Variants in CPXM2 observed in about 807,000 individuals in gnomAD.
CPXM2 encodes the protein carboxypeptidase X, M14 family member 2.
A neutral mutation model predicts 86.1 loss-of-function variants in CPXM2; 66 were observed. The observed-to-expected ratio is 0.77, with a 90% CI of 0.63 to 0.94. The LOEUF is 0.94. Among genes scored for constraint, CPXM2 ranks in the 40% least tolerant of loss-of-function variants. The pLI, the probability that CPXM2 is intolerant of heterozygous loss-of-function variation, is 0.00. For synonymous variants in CPXM2, 388 were observed against 400.2 expected (o/e 0.97, Z 0.36); for missense variants, 948 against 1,026.3 (o/e 0.92, Z 1.04).
chr10:123,765,604 G>C (rs888635862), intron 10 of CPXM2, among the ~76,000 whole-genome samples: 1 of 152,184 alleles, frequency 6.6e-6, no homozygotes, highest in African/African-American at 2.4e-5. Context: ...ACTAAAACAG[G>C]TTCTGTGGGA....
At chr10:123,855,462 T>G (rs1564799602) in intron 3 of CPXM2, among the ~76,000 whole-genome samples, 1 of 152,016 alleles carries the variant, frequency 6.6e-6, no homozygotes. Context: ...CAGGTGTGGG[T>G]CGGGCACAGG....
chr10:123,850,075 A>G (rs772453043), intron 3 of CPXM2, among the ~76,000 whole-genome samples: 1 of 152,344 alleles, frequency 6.6e-6, no homozygotes. Context: ...TATTTATTAT[A>G]TCTGGGAGAT....
chr10:123,813,759 G>T (rs560654864), intron 4 of CPXM2, among the ~76,000 whole-genome samples: 1 of 152,352 alleles, frequency 6.6e-6, no homozygotes, highest in African/African-American at 2.4e-5. Flanking sequence ...ACTTTTGGAA[G>T]ATGTGCCATA....
At chr10:123,896,972 C>G (rs1945342842), upstream of CPXM2, among the ~76,000 whole-genome samples, 1 of 152,156 alleles carries the variant, frequency 6.6e-6, no homozygotes, top group African/African-American at 2.4e-5. Context: ...CCCTTGTCCT[C>G]TGGTTTCTGA....
intron 4 of CPXM2, among the ~76,000 whole-genome samples, chr10:123,817,672 C>T (rs886410940): frequency 6.6e-5 from 10 of 152,148 alleles, no homozygotes; most frequent in Non-Finnish European, 4.4e-5. Flanking sequence ...CTCAAATGCC[C>T]GTGGTCTCCA....
intron 3 of CPXM2, 150 bp from the exon 4 acceptor site, chr10:123,842,638 CCT>C: frequency 1.4e-6 from 1 of 724,256 alleles, no homozygotes; most frequent in African/African-American, 1.8e-5. Flanking sequence ...GCCCTGAACT[CCT>C]CATCCTAAAT....
chr10:123,854,374 A>ATATT (rs1848666279), intron 3 of CPXM2, among the ~76,000 whole-genome samples: 1 of 83,084 alleles, frequency 1.2e-5, no homozygotes, highest in Admixed American at 1.3e-4. Flanking sequence ...ATATATATAT[A>ATATT]ATATATATAT....
Position 123,799,160 on chromosome 10 carries a change from A to T in CPXM2, c.693T>A (p.Asn231Lys). ...TAACAGTGACCCACGTGTGGCTGTCATTGCTCACCATGACCTTATAGGATG... is the reference window on the plus strand; with the variant it reads ...TAACAGTGACCCACGTGTGGCTGTCTTTGCTCACCATGACCTTATAGGATG... ...WVTSYKVMVS[N>K]DSHTWVTVKN... The change falls in exon 5 of 14, where the codon AAT becomes AAA. Residue 231 changes from asparagine to lysine, a missense_variant. Asn to Lys is a moderately conservative substitution (Grantham distance 94). Transcript: ENST00000241305. 6.2e-7 allele frequency: 1 copy of T among 1,614,194 alleles called. No individual in the cohort carries two copies.
chr10:123,923,960 A>G (rs569176843), intron 2 of CPXM2, among the ~76,000 whole-genome samples: 1 of 152,360 alleles, frequency 6.6e-6, no homozygotes, highest in East Asian at 1.9e-4. Context: ...AGTCTCAGGT[A>G]TGTCTTTATC....
At chr10:123,795,779 C>T (rs1158715546) in intron 6 of CPXM2, among the ~76,000 whole-genome samples, 1 of 152,164 alleles carries the variant, frequency 6.6e-6, no homozygotes, top group Non-Finnish European at 1.5e-5. Context: ...TCAGATTTCA[C>T]AGTGTAACCC....
chr10:123,895,125 T>TTC (rs1462052007), upstream of CPXM2, among the ~76,000 whole-genome samples: 70 of 115,100 alleles, frequency 6.1e-4, no homozygotes, highest in African/African-American at 2.0e-3. Context: ...TTTTTTCTTT[T>TTC]TTTTTTTTTT....
At chr10:123,811,740 T>C (rs1227970864) in intron 4 of CPXM2, among the ~76,000 whole-genome samples, 1 of 152,048 alleles carries the variant, frequency 6.6e-6, no homozygotes, top group Non-Finnish European at 1.5e-5. Flanking sequence ...TGTAAATCAA[T>C]GAGACAAAGA....
At chr10:123,891,906 C>G (rs1204704932), upstream of CPXM2, 1 of 152,112 alleles carries the variant, frequency 6.6e-6, no homozygotes, top group Non-Finnish European at 1.5e-5. The surrounding 1 kb of genome is among the most constrained non-coding windows in gnomAD (Gnocchi z 5.6). Context: ...CTTCCTTCTT[C>G]CCTCCCTTTC....
intron 2 of CPXM2, among the ~76,000 whole-genome samples, chr10:123,869,208 T>C (rs1479487017): frequency 2.0e-5 from 3 of 152,204 alleles, no homozygotes; most frequent in South Asian, 2.1e-4. Context: ...AGGAAACTCA[T>C]TGGCAGCTCT....
chr10:123,842,177 C>G (rs76411003), intron 4 of CPXM2, among the ~76,000 whole-genome samples, 172 bp downstream of exon 4: 4,339 of 152,338 alleles, frequency 0.028, 78 homozygotes, highest in African/African-American at 0.053. Flanking sequence ...ACCATCCCCC[C>G]CAGGAGAATG....
intron 4 of CPXM2, among the ~76,000 whole-genome samples, chr10:123,817,768 G>C (rs565648054): frequency 6.6e-5 from 10 of 152,312 alleles, no homozygotes; most frequent in South Asian, 2.1e-4. Flanking sequence ...AGGAAGAGAA[G>C]ACTTGGGCCT....
At chr10:123,914,410 A>T (rs188713099) in intron 2 of CPXM2, among the ~76,000 whole-genome samples, 2 of 152,140 alleles carry the variant, frequency 1.3e-5, no homozygotes, top group East Asian at 3.9e-4. Context: ...CTCTCTAGGG[A>T]AGCCTGTTCA....
intron 12 of CPXM2, among the ~76,000 whole-genome samples, chr10:123,756,485 G>C (rs1436420031): frequency 6.6e-6 from 1 of 152,148 alleles, no homozygotes; most frequent in African/African-American, 2.4e-5. Context: ...AGCGGTACTT[G>C]TTAAAGCTGC....
intron 7 of CPXM2, among the ~76,000 whole-genome samples, chr10:123,779,427 T>C (rs1846883534): frequency 6.6e-6 from 1 of 152,214 alleles, no homozygotes; most frequent in Non-Finnish European, 1.5e-5. Flanking sequence ...AAAAATCTCA[T>C]CTGGGATTGT....
Sources: gnomAD v4.1 joint callset for allele counts (sites outside exome capture counted in the v4.1 genomes callset) on GRCh38, gnomAD v4.1.1 for gene constraint, Gnocchi (gnomAD v3.1) non-coding constraint, MANE v1.5 for transcripts, NCBI Gene and HGNC (gene_info 2026-07-23, HGNC 2026-07-21) for gene names.